FAM117B: variants seen among roughly 807,000 people sequenced by gnomAD.
The protein encoded by FAM117B is family with sequence similarity 117 member B.
In FAM117B, 22 loss-of-function variants were observed where a neutral mutation model predicts 52.8. That is an observed-to-expected ratio of 0.42 (90% CI 0.30 to 0.59). The LOEUF (loss-of-function observed/expected upper bound fraction) is 0.59. FAM117B is among the 20% of genes least tolerant of loss of function. The pLI, the probability that FAM117B is intolerant of heterozygous loss-of-function variation, is 0.22. For missense variants in FAM117B, 678 were observed against 802.6 expected, an observed-to-expected ratio of 0.84 and a Z score of 1.88; for synonymous variants, 309 against 324.1, an observed-to-expected ratio of 0.95 and a Z score of 0.50.
chr2:202,651,375 C>CTT (rs1559094443), intron 1 of FAM117B, among the ~76,000 whole-genome samples: 1 of 141,304 alleles, frequency 7.1e-6, no homozygotes, highest in Non-Finnish European at 1.5e-5. Flanking sequence ...ATTTACCATT[C>CTT]CTTTTTTTTT....
chr2:202,697,643 C>T (rs1213706124), intron 2 of FAM117B, among the ~76,000 whole-genome samples: 3 of 151,346 alleles, frequency 2.0e-5, no homozygotes, highest in African/African-American at 4.9e-5. Context: ...CACTGCCTCC[C>T]GGATTCAAGC....
chr2:202,741,086 A>G (rs1691527060), intron 4 of FAM117B, among the ~76,000 whole-genome samples: 1 of 152,186 alleles, frequency 6.6e-6, no homozygotes, highest in Non-Finnish European at 1.5e-5. Flanking sequence ...TAGTGGTATT[A>G]ACTAATACAG....
intron 2 of FAM117B, among the ~76,000 whole-genome samples, chr2:202,714,540 T>TC (rs1309132394): frequency 6.8e-6 from 1 of 146,110 alleles, no homozygotes; most frequent in African/African-American, 2.6e-5. Context: ...TTTCTTTTTT[T>TC]TTTTTTTTTT....
Position 202,765,878 on chromosome 2 carries a change from A to G in FAM117B, c.*114A>G. ...TGTGATGTGCTCCAGCTTTCCAGTG[A>G]CATGTGACGGCGAGGCTTCTGGAAG... is the stretch of plus-strand genomic sequence containing the variant. On this transcript the variant is annotated 3_prime_UTR_variant, in exon 8 of 8. Transcript: ENST00000392238. The G allele has an allele frequency of 8.9e-7, 1 of 1,128,488 alleles. No homozygotes were observed. The highest frequency in any genetic ancestry group is 1.2e-6 in the Non-Finnish European group (1 of 804,094). The allele number at this position is 1,128,488 out of a possible 1,614,324, so 69.9% of individuals were successfully genotyped here. A position where few individuals can be genotyped will look rare whatever the true frequency, so the allele number is the denominator to read the frequency against.
At chr2:202,649,395 A>T (rs541467112) in intron 1 of FAM117B, among the ~76,000 whole-genome samples, 1 of 152,274 alleles carries the variant, frequency 6.6e-6, no homozygotes, top group African/African-American at 2.4e-5. Context: ...TTTGTGAATG[A>T]TGGTGTGTTG....
chr2:202,748,343 G>C (rs1187134371), intron 4 of FAM117B, among the ~76,000 whole-genome samples: 1 of 152,092 alleles, frequency 6.6e-6, no homozygotes, highest in Non-Finnish European at 1.5e-5. Flanking sequence ...AGAAAACATA[G>C]GGGAAATGTT....
At position 202,758,564 on chromosome 2, in the gene FAM117B, C is replaced by T. The variant is rs566982116; in HGVS notation, c.1331-669C>T. 1.1e-4 allele frequency among the ~76,000 whole-genome samples: 17 copies of T among 152,122 alleles called. No individual in the cohort carries two copies. The South Asian group carries it at 3.5e-3, about 32-fold the overall frequency. ...GAGTTTGTAGCTTAGCTGGTACAGACTGAAAATTTAGAACAGATATTTAAC... is the reference window on the plus strand; with the variant it reads ...GAGTTTGTAGCTTAGCTGGTACAGATTGAAAATTTAGAACAGATATTTAAC... On this transcript the variant is annotated intron_variant, in intron 6 of 7. Coordinates refer to ENST00000392238, the MANE Select transcript of FAM117B (RefSeq NM_173511.4).
intron 1 of FAM117B, among the ~76,000 whole-genome samples, chr2:202,689,293 T>C (rs1372822531): frequency 6.6e-6 from 1 of 151,808 alleles, no homozygotes; most frequent in Non-Finnish European, 1.5e-5. Context: ...ATACAAAAAA[T>C]TAGCCAGGCG....
At position 202,728,987 on chromosome 2, in the gene FAM117B, C is replaced by T. The variant is rs376699965; in HGVS notation, c.960+2624C>T. ...ATTTTATTTAGTGTTATCAGCCAAC[C>T]GCAAGTCAGGCACATGTGCATCATG... On this transcript the variant is annotated intron_variant, in intron 4 of 7. Transcript: ENST00000392238. 2.6e-4 allele frequency among the ~76,000 whole-genome samples: 40 copies of T among 152,184 alleles called. No homozygotes were observed. In the East Asian group the frequency reaches 4.8e-3, roughly 18 times the overall value.
intron 4 of FAM117B, among the ~76,000 whole-genome samples, chr2:202,745,146 G>T (rs528125070): frequency 6.6e-6 from 1 of 151,706 alleles, no homozygotes; most frequent in East Asian, 1.9e-4. Context: ...TGGGCGTGGT[G>T]GTGCACTCCT....
intron 2 of FAM117B, among the ~76,000 whole-genome samples, chr2:202,713,418 T>G (rs1690987303): frequency 6.6e-6 from 1 of 152,184 alleles, no homozygotes; most frequent in Non-Finnish European, 1.5e-5. Context: ...ATCTCTCTTT[T>G]TCTCTTAGTC....
chr2:202,707,772 AT>A (rs201311225), intron 2 of FAM117B, among the ~76,000 whole-genome samples: 15,885 of 143,066 alleles, frequency 0.11, 2,753 homozygotes, highest in African/African-American at 0.37. Flanking sequence ...GTGTAACTTA[AT>A]TTTTTTTTTT....
At chr2:202,698,892 AT>A (rs1450778240) in intron 2 of FAM117B, among the ~76,000 whole-genome samples, 1 of 152,154 alleles carries the variant, frequency 6.6e-6, no homozygotes, top group African/African-American at 2.4e-5. Context: ...TTCCTTGAGC[AT>A]TTCTACAGCA....
At chr2:202,747,248 C>T (rs554626889) in intron 4 of FAM117B, among the ~76,000 whole-genome samples, 4 of 152,182 alleles carry the variant, frequency 2.6e-5, no homozygotes, top group Non-Finnish European at 4.4e-5. Flanking sequence ...TAAAAACTCT[C>T]AACAAATTAG....
At chr2:202,751,640 C>T (rs977090289) in intron 4 of FAM117B, among the ~76,000 whole-genome samples, 3 of 151,732 alleles carry the variant, frequency 2.0e-5, no homozygotes, top group Non-Finnish European at 4.4e-5. Context: ...GGCGTTGTCG[C>T]GGGTGCCTGT....
chr2:202,658,818 TTTGA>T (rs1690086684), intron 1 of FAM117B, among the ~76,000 whole-genome samples: 1 of 152,164 alleles, frequency 6.6e-6, no homozygotes, highest in Non-Finnish European at 1.5e-5. Context: ...TTTTTAGTAG[TTTGA>T]TTATTTATGG....
At chr2:202,731,698 A>G (rs1305472093) in intron 4 of FAM117B, among the ~76,000 whole-genome samples, 1 of 151,548 alleles carries the variant, frequency 6.6e-6, no homozygotes, top group Admixed American at 6.6e-5. Context: ...CCCAAGTGCT[A>G]GGATTACAGA....
At chr2:202,686,626 G>A (rs903456169) in intron 1 of FAM117B, among the ~76,000 whole-genome samples, 3 of 152,020 alleles carry the variant, frequency 2.0e-5, no homozygotes, top group Non-Finnish European at 2.9e-5. Flanking sequence ...TAGCCAACAC[G>A]GTGAAACCCG....
intron 3 of FAM117B, among the ~76,000 whole-genome samples, chr2:202,725,624 T>C (rs1222941441): frequency 6.6e-6 from 1 of 152,204 alleles, no homozygotes; most frequent in Non-Finnish European, 1.5e-5. Context: ...TGGCCACATT[T>C]ATTATTTTTC....
Sources: gnomAD v4.1 joint callset for allele counts (sites outside exome capture counted in the v4.1 genomes callset) on GRCh38, gnomAD v4.1.1 for gene constraint, MANE v1.5 for transcripts, NCBI Gene and HGNC (gene_info 2026-07-23, HGNC 2026-07-21) for gene names.